Variants in PTGER2 observed in about 807,000 individuals in gnomAD.
PTGER2 encodes prostaglandin E receptor 2.
Under a neutral mutation model 26.2 loss-of-function variants are expected in PTGER2, and 22 were observed. That is an observed-to-expected ratio of 0.84 (90% CI 0.60 to 1.20). PTGER2 has a LOEUF of 1.20. Among genes scored for constraint, PTGER2 ranks in the 50% most tolerant of loss-of-function variants. The pLI is 0.00. For missense variants in PTGER2, 458 were observed against 475.2 expected, an observed-to-expected ratio of 0.96 and a Z score of 0.34; for synonymous variants, 219 against 208.9, an observed-to-expected ratio of 1.05 and a Z score of -0.42.
Position 52,314,742 on chromosome 14 carries a change from C to T in PTGER2, c.194C>T (p.Ser65Phe). ...AGCGCCGGCCGCAGGAGCTCCCTCT[C>T]CTTGTTCCACGTGCTGGTGACCGAG... ...GCSAGRRSSL[S>F]LFHVLVTELV... The change falls in exon 1 of 2, where the codon TCC becomes TTC. Residue 65 changes from serine to phenylalanine, a missense_variant. Coordinates refer to ENST00000245457, the MANE Select transcript of PTGER2 (RefSeq NM_000956.4). This position sits in a 1 kb window ranked among gnomAD's most constrained non-coding sequence, Gnocchi z 5.7. The T allele has an allele frequency of 2.5e-6, 4 of 1,599,542 alleles. No individual in the cohort carries two copies. Among genetic ancestry groups the T allele is most frequent in the Non-Finnish European group, 3.4e-6 (4 of 1,170,154 alleles).
intron 1 of PTGER2, among the ~76,000 whole-genome samples, chr14:52,326,274 C>G (rs1044555530): frequency 1.3e-5 from 2 of 152,198 alleles, no homozygotes; most frequent in Non-Finnish European, 1.5e-5. Flanking sequence ...GCACGTAGCA[C>G]ACAGTGAGCA....
chr14:52,322,647 G>A (rs1029721185), intron 1 of PTGER2, among the ~76,000 whole-genome samples: 10 of 151,984 alleles, frequency 6.6e-5, no homozygotes, highest in East Asian at 3.8e-4. Flanking sequence ...AGACCAGGGC[G>A]TATTTCAGTC....
chr14:52,319,216 G>A (rs2033870947), intron 1 of PTGER2, among the ~76,000 whole-genome samples: 1 of 152,180 alleles, frequency 6.6e-6, no homozygotes, highest in Admixed American at 6.5e-5. Context: ...AAATGGCAAA[G>A]ACCTTTTTCT....
In PTGER2 at chr14:52,315,039, C is replaced by G. The variant is rs1261662681; in HGVS notation, c.491C>G (p.Ser164Cys). The change falls in exon 1 of 2, where the codon TCC (serine) becomes TGC (cysteine). Residue 164 changes from serine (S) to cysteine (C), a missense_variant. Ser to Cys is a moderately radical substitution (Grantham distance 112). Coordinates refer to ENST00000245457, the MANE Select transcript of PTGER2 (RefSeq NM_000956.4). ...LAVLPVIYAV[S>C]LLFCSLPLLD... ...GTGCTGCCTGTCATCTATGCAGTCT[C>G]CCTGCTCTTCTGCTCGCTGCCGCTG... 6.2e-7 allele frequency: 1 copy of G among 1,613,126 alleles called. No homozygotes were observed. Among genetic ancestry groups the G allele is most frequent in the East Asian group, 2.2e-5 (1 of 44,862 alleles).
In PTGER2 at chr14:52,327,355, G is replaced by T. The variant is rs1191510942; in HGVS notation, c.978G>T (p.Met326Ile). 2.5e-6 allele frequency: 4 copies of T among 1,613,408 alleles called. No individual in the cohort carries two copies. The highest frequency in any genetic ancestry group is 3.4e-6 in the Non-Finnish European group (4 of 1,179,428). Residue 326 changes from methionine (M) to isoleucine (I), a missense_variant, in exon 2 of 2, where the codon ATG becomes ATT. By Grantham distance (10) the Met-to-Ile change is conservative. Coordinates refer to ENST00000245457, the MANE Select transcript of PTGER2 (RefSeq NM_000956.4). ...TTAGGCCTCCTGTTCTGAGACTAAT[G>T]CGTTCAGTCCTCTGTTGTCGGATTT... ...AILRPPVLRL[M>I]RSVLCCRISL...
chr14:52,327,583 T>G lies in PTGER2; in HGVS notation c.*129T>G. 1 of 760,416 alleles carries G rather than the reference T, an allele frequency of 1.3e-6. No homozygotes were observed. Among genetic ancestry groups the G allele is most frequent in the Non-Finnish European group, 2.1e-6 (1 of 483,422 alleles). The allele number at this position is 760,416 out of a possible 1,614,324, so 47.1% of individuals were successfully genotyped here. ...TAATAAAAAGGAGTATACAAACATTTAAGCTGTGGTCAAGGCTACAGATGT... is the reference window on the plus strand; with the variant it reads ...TAATAAAAAGGAGTATACAAACATTGAAGCTGTGGTCAAGGCTACAGATGT... On this transcript the variant is annotated 3_prime_UTR_variant, in exon 2 of 2. Transcript: ENST00000245457.
chr14:52,324,076 G>T (rs961329550), intron 1 of PTGER2, among the ~76,000 whole-genome samples: 22 of 152,198 alleles, frequency 1.4e-4, no homozygotes, highest in African/African-American at 5.1e-4. Flanking sequence ...GTTTCAATTT[G>T]GGATGATGAA....
chr14:52,315,298 AG>A lies in PTGER2; in HGVS notation c.754del (p.Glu252LysfsTer18). 1 of 1,612,250 alleles carries A rather than the reference AG, an allele frequency of 6.2e-7. No individual in the cohort carries two copies. Among genetic ancestry groups the A allele is most frequent in the Non-Finnish European group, 8.5e-7 (1 of 1,179,570 alleles). On this transcript the variant is annotated frameshift_variant, in exon 1 of 2. Coordinates refer to ENST00000245457, the MANE Select transcript of PTGER2 (RefSeq NM_000956.4). LOFTEE classifies it high-confidence loss of function. Reference sequence around the variant, plus strand: ...GGGGCGGCCCCGGGGCCCGCAGGAGAGGGGAAAGGGTGTCCATGGCGGAGGA... The same window carrying A: ...GGGGCGGCCCCGGGGCCCGCAGGAGAGGGAAAGGGTGTCCATGGCGGAGGA... ...GRGGPGARRR[G>X]ERVSMAEETD...
At chr14:52,324,715 A>G (rs2033931944) in intron 1 of PTGER2, among the ~76,000 whole-genome samples, 2 of 152,266 alleles carry the variant, frequency 1.3e-5, no homozygotes, top group African/African-American at 2.4e-5. Flanking sequence ...AAATCCCAGT[A>G]TCCATAAGAT....
At chr14:52,325,138 CA>C (rs1438811701) in intron 1 of PTGER2, among the ~76,000 whole-genome samples, 1 of 149,582 alleles carries the variant, frequency 6.7e-6, no homozygotes, top group African/African-American at 2.5e-5. Flanking sequence ...GACTCCATCT[CA>C]AAAAAAAAGC....
intron 1 of PTGER2, among the ~76,000 whole-genome samples, chr14:52,321,777 G>A (rs926627298): frequency 1.3e-5 from 2 of 152,158 alleles, no homozygotes; most frequent in African/African-American, 4.8e-5. Context: ...AAATTGCTTG[G>A]CACCATGCCT....
At chr14:52,321,262 G>GTT (rs11378098) in intron 1 of PTGER2, among the ~76,000 whole-genome samples, 11 of 151,058 alleles carry the variant, frequency 7.3e-5, no homozygotes, top group Non-Finnish European at 1.0e-4. Flanking sequence ...CCCCCAAAAT[G>GTT]TTTTTTTTTA....
At chr14:52,325,226 AT>A (rs45512196) in intron 1 of PTGER2, among the ~76,000 whole-genome samples, 142,342 of 152,146 alleles carry the variant, frequency 0.94, 67,073 homozygotes, top group Non-Finnish European at 1. Flanking sequence ...ATAGTAGATG[AT>A]AAAGGAAAGG....
At chr14:52,315,508 C>T (rs775113102) in intron 1 of PTGER2, 117 bp downstream of exon 1, 22 of 1,342,746 alleles carry the variant, frequency 1.6e-5, no homozygotes, top group Admixed American at 2.3e-5. Flanking sequence ...AAAAATATGT[C>T]CTAATTTGTA....
Position 52,314,701 on chromosome 14 carries a change from G to A in PTGER2, c.153G>A (p.Arg51=), listed in dbSNP as rs771004128. The part of the protein sequence containing the change: ...IALALLARRW[R]GDVGCSAGRR... ...TGGCGCTGCTGGCGCGCCGCTGGCG[G>A]GGGGACGTGGGGTGCAGCGCCGGCC... Residue 51 remains arginine, a synonymous_variant, in exon 1 of 2, where the codon CGG becomes CGA. Coordinates refer to ENST00000245457, the MANE Select transcript of PTGER2 (RefSeq NM_000956.4). This position sits in a 1 kb window ranked among gnomAD's most constrained non-coding sequence, Gnocchi z 5.7. The A allele has an allele frequency of 6.4e-6, 10 of 1,554,298 alleles. No homozygotes were observed. The African/African-American group carries it at 1.4e-4, about 21-fold the overall frequency.
chr14:52,323,935 A>G (rs1396180673), intron 1 of PTGER2, among the ~76,000 whole-genome samples: 1 of 152,192 alleles, frequency 6.6e-6, no homozygotes, highest in Admixed American at 6.5e-5. Flanking sequence ...AACCTCTGAA[A>G]CTGAATTGCC....
intron 1 of PTGER2, among the ~76,000 whole-genome samples, chr14:52,315,925 G>T (rs919897031): frequency 6.6e-6 from 1 of 152,180 alleles, no homozygotes; most frequent in Non-Finnish European, 1.5e-5. Context: ...AGATGAGAAG[G>T]GTCCCTGAAG....
chr14:52,314,672 G>C lies in PTGER2; in HGVS notation c.124G>C (p.Ala42Pro). The change falls in exon 1 of 2, where the codon GCA (alanine) becomes CCA (proline). Residue 42 changes from alanine (A) to proline (P), a missense_variant. Coordinates refer to ENST00000245457, the MANE Select transcript of PTGER2 (RefSeq NM_000956.4). The surrounding 1 kb of genome is among the most constrained non-coding windows in gnomAD (Gnocchi z 5.7). ...FSAGVLGNLI[A>P]LALLARRWRG... ...GGCCGGGGTGCTGGGGAACCTCATA[G>C]CACTGGCGCTGCTGGCGCGCCGCTG... The C allele has an allele frequency of 6.5e-7, 1 of 1,544,342 alleles. No individual in the cohort carries two copies. The highest frequency in any genetic ancestry group is 8.8e-7 in the Non-Finnish European group (1 of 1,142,368).
At position 52,325,527 on chromosome 14, in the gene PTGER2, A is replaced by G. The variant is rs527828868; in HGVS notation, c.844-1694A>G. Among the ~76,000 whole-genome samples, 7 of 152,320 alleles carry G rather than the reference A, an allele frequency of 4.6e-5. No individual in the cohort carries two copies. In the South Asian group the frequency reaches 1.5e-3, roughly 32 times the overall value. The stretch of plus-strand genomic sequence containing the variant: ...TGTGCACACGTGTGTGTGCATATGT[A>G]ATCACTAATATGTGTTTTAATCTGT... On this transcript the variant is annotated intron_variant, in intron 1 of 1. Transcript: ENST00000245457.
Sources: gnomAD v4.1 joint callset for allele counts (sites outside exome capture counted in the v4.1 genomes callset) on GRCh38, gnomAD v4.1.1 for gene constraint, Gnocchi (gnomAD v3.1) non-coding constraint, MANE v1.5 for transcripts, NCBI Gene and HGNC (gene_info 2026-07-23, HGNC 2026-07-21) for gene names.